Variants in NCOA2 observed in about 807,000 individuals in gnomAD.
NCOA2 encodes nuclear receptor coactivator 2.
A neutral mutation model predicts 145.1 loss-of-function variants in NCOA2; 21 were observed. That is an observed-to-expected ratio of 0.14 (90% CI 0.10 to 0.21). The LOEUF (loss-of-function observed/expected upper bound fraction) is 0.21, where lower values mean the gene tolerates loss of function less well. Among genes scored for constraint, NCOA2 ranks in the 10% least tolerant of loss-of-function variants. The pLI, the probability that NCOA2 is intolerant of heterozygous loss-of-function variation, is 1.00. For missense variants in NCOA2, 1,472 were observed against 1,837.6 expected (o/e 0.80, Z 3.64); for synonymous variants, 619 against 637.5 (o/e 0.97, Z 0.44).
At chr8:70,384,513 C>T (rs1279302891) in intron 1 of NCOA2, among the ~76,000 whole-genome samples, 2 of 152,142 alleles carry the variant, frequency 1.3e-5, no homozygotes. Flanking sequence ...AATATAATCT[C>T]TTTGTCGAGA....
At chr8:70,449,374 A>G in the NCOA2 span, among the ~76,000 whole-genome samples, 1 of 152,242 alleles carries the variant, frequency 6.6e-6, no homozygotes, top group South Asian at 2.1e-4. Flanking sequence ...AACAGATGGC[A>G]CATTCAAATT....
At chr8:70,371,047 GGAGGCC>G (rs2131248473) in intron 1 of NCOA2, among the ~76,000 whole-genome samples, 1 of 152,302 alleles carries the variant, frequency 6.6e-6, no homozygotes, top group Non-Finnish European at 1.5e-5. Context: ...CAGCACTTTG[GGAGGCC>G]GAGTCGGGCG....
At chr8:70,415,548 G>A in the NCOA2 span, among the ~76,000 whole-genome samples, 4 of 152,160 alleles carry the variant, frequency 2.6e-5, no homozygotes, top group Non-Finnish European at 5.9e-5. Flanking sequence ...TTAGGCAGGG[G>A]AATTTTACAG....
chr8:70,400,208 T>C (rs1239793211), intron 1 of NCOA2, among the ~76,000 whole-genome samples: 1 of 152,180 alleles, frequency 6.6e-6, no homozygotes, highest in African/African-American at 2.4e-5. Context: ...AATCCGTAAT[T>C]GGTGAGCTCC....
At chr8:70,115,757 T>A (rs1299766778) in intron 22 of NCOA2, among the ~76,000 whole-genome samples, 1 of 152,188 alleles carries the variant, frequency 6.6e-6, no homozygotes, top group Non-Finnish European at 1.5e-5. Context: ...AAAGGAAGAA[T>A]CTTCTGGTTA....
intron 1 of NCOA2, among the ~76,000 whole-genome samples, chr8:70,330,338 C>T (rs536492194): frequency 2.4e-4 from 37 of 151,912 alleles, no homozygotes; most frequent in South Asian, 1.5e-3. Flanking sequence ...GGAAGGCCAA[C>T]GCAGAGGGAT....
intron 2 of NCOA2, among the ~76,000 whole-genome samples, chr8:70,248,826 T>C (rs1299380647): frequency 6.6e-6 from 1 of 151,082 alleles, no homozygotes; most frequent in Non-Finnish European, 1.5e-5. Flanking sequence ...GTTGGCCGAA[T>C]CTAGTGTGCA....
chr8:70,244,495 C>CAACAACAAA (rs1366268848), intron 2 of NCOA2, among the ~76,000 whole-genome samples: 1 of 151,898 alleles, frequency 6.6e-6, no homozygotes, highest in Non-Finnish European at 1.5e-5. Flanking sequence ...CTATATATAA[C>CAACAACAAA]AACAACAAAA....
At chr8:70,190,741 A>G (rs1816591638) in intron 4 of NCOA2, among the ~76,000 whole-genome samples, 1 of 152,180 alleles carries the variant, frequency 6.6e-6, no homozygotes. Context: ...CTGTAATCCC[A>G]GCTACTTGGG....
At chr8:70,330,297 C>T (rs1027430807) in intron 1 of NCOA2, among the ~76,000 whole-genome samples, 4 of 151,936 alleles carry the variant, frequency 2.6e-5, no homozygotes, top group African/African-American at 4.8e-5. Context: ...GAGCTCGGTA[C>T]GGTGGCTCAT....
At chr8:70,174,993 T>C in intron 4 of NCOA2, 134 bp from the exon 5 acceptor site, 1 of 754,944 alleles carries the variant, frequency 1.3e-6, no homozygotes, top group East Asian at 2.6e-5. Flanking sequence ...TTACAGTACA[T>C]CCCTGTTGCC....
At chr8:70,157,907 T>A (rs1042226632) in intron 10 of NCOA2, among the ~76,000 whole-genome samples, 1 of 152,206 alleles carries the variant, frequency 6.6e-6, no homozygotes, top group African/African-American at 2.4e-5. Context: ...TGACTTTAGT[T>A]TGGGATCTTA....
chr8:70,193,325 C>T (rs1816897127), intron 4 of NCOA2, among the ~76,000 whole-genome samples: 1 of 152,040 alleles, frequency 6.6e-6, no homozygotes, highest in Admixed American at 6.6e-5. Context: ...AAATACCCTC[C>T]ATTCTGAACA....
chr8:70,414,302 C>T, the NCOA2 span, among the ~76,000 whole-genome samples: 1 of 152,106 alleles, frequency 6.6e-6, no homozygotes, highest in Non-Finnish European at 1.5e-5. Flanking sequence ...CTTCCCTTAT[C>T]CTCTTTCCTC....
upstream of NCOA2, among the ~76,000 whole-genome samples, chr8:70,404,408 C>T (rs919159649): frequency 2.0e-5 from 3 of 152,182 alleles, no homozygotes; most frequent in African/African-American, 7.2e-5. Context: ...CAGCAGAGGA[C>T]CCTCGCGCCC....
rs530604335 is a variant in NCOA2 at position 70,222,863 on chromosome 8, A to G, written c.-19-6099T>C. Reference sequence around the variant, plus strand: ...AAGTAGCAGGGAGCTGTTCTAAACTATCATTACCAACATGGGCGAAAATGT... The same window carrying G: ...AAGTAGCAGGGAGCTGTTCTAAACTGTCATTACCAACATGGGCGAAAATGT... On this transcript the variant is annotated intron_variant, in intron 2 of 22. Transcript: ENST00000452400. 3.9e-5 allele frequency among the ~76,000 whole-genome samples: 6 copies of G among 152,196 alleles called. No individual in the cohort carries two copies. The South Asian group carries it at 1.2e-3, about 31-fold the overall frequency.
At chr8:70,429,672 A>T in the NCOA2 span, among the ~76,000 whole-genome samples, 1 of 152,212 alleles carries the variant, frequency 6.6e-6, no homozygotes, top group African/African-American at 2.4e-5. Flanking sequence ...ATTAACCATA[A>T]ATGGAGAGTA....
At chr8:70,370,688 GTAC>G (rs1236446868) in intron 1 of NCOA2, among the ~76,000 whole-genome samples, 20 of 151,860 alleles carry the variant, frequency 1.3e-4, no homozygotes, top group Middle Eastern at 3.4e-3. Context: ...TTTCCTCCAC[GTAC>G]GTTATTTATT....
intron 1 of NCOA2, among the ~76,000 whole-genome samples, chr8:70,355,162 T>C (rs919654988): frequency 1.3e-5 from 2 of 152,202 alleles, no homozygotes; most frequent in African/African-American, 4.8e-5. Flanking sequence ...TGACCATATG[T>C]GTGGCACATG....
Sources: gnomAD v4.1 joint callset for allele counts (sites outside exome capture counted in the v4.1 genomes callset) on GRCh38, gnomAD v4.1.1 for gene constraint, MANE v1.5 for transcripts, NCBI Gene and HGNC (gene_info 2026-07-23, HGNC 2026-07-21) for gene names.